The following HDGFL1 variants were observed in gnomAD, a reference collection of about 807,000 sequenced individuals.
The protein encoded by HDGFL1 is HDGF like 1, also known as hepatoma-derived growth factor-like protein 1.
For synonymous variants in HDGFL1, 190 were observed against 165.1 expected (o/e 1.15, Z -1.16); for missense variants, 422 against 365.3 (o/e 1.16, Z -1.27).
Position 22,570,084 on chromosome 6 carries a change from A to C in HDGFL1, c.509A>C (p.Glu170Ala), listed in dbSNP as rs1561829323. The change falls in exon 1 of 1, where the codon GAG (glutamate) becomes GCG (alanine). Residue 170 changes from glutamate to alanine, a missense_variant. Coordinates refer to ENST00000510882, the MANE Select transcript of HDGFL1 (RefSeq NM_138574.4). ...PKEAAPDQEE[E>A]AEAERAAEAE... The stretch of plus-strand genomic sequence containing the variant: ...GAGGCAGCCCCCGACCAAGAGGAGG[A>C]GGCGGAGGCGGAGAGGGCGGCGGAA... 1.3e-6 allele frequency: 2 copies of C among 1,536,830 alleles called. No homozygotes were observed. The highest frequency in any genetic ancestry group is 2.4e-5 in the East Asian group (1 of 41,222).
chr6:22,570,544 GC>G lies in HDGFL1; in HGVS notation c.*215del, dbSNP rs941551412. ...CCACGCCTCTGTGATCTGAGTCAGG[GC>G]CTCAGTTCCCTCCCTGGGATAAAGT... On this transcript the variant is annotated 3_prime_UTR_variant, in exon 1 of 1. Coordinates refer to ENST00000510882, the MANE Select transcript of HDGFL1 (RefSeq NM_138574.4). 15 of 429,362 alleles carry G rather than the reference GC, an allele frequency of 3.5e-5. No homozygotes were observed. The highest frequency in any genetic ancestry group is 2.7e-4 in the African/African-American group (13 of 48,710). 26.6% of individuals were successfully genotyped at this position (429,362 alleles called of 1,614,324 possible).
chr6:22,569,620 G>C lies in HDGFL1; in HGVS notation c.45G>C (p.Val15=). ...GMPMYKSGDL[V]FAKLKGYAHW... ...CCATGTACAAGAGCGGGGACCTGGT[G>C]TTTGCCAAGTTAAAGGGCTATGCCC... is the stretch of plus-strand genomic sequence containing the variant. Residue 15 remains valine (V), a synonymous_variant, in exon 1 of 1, where the codon GTG becomes GTC. Transcript: ENST00000510882. The C allele has an allele frequency of 6.2e-7, 1 of 1,614,192 alleles. No individual in the cohort carries two copies. The highest frequency in any genetic ancestry group is 8.5e-7 in the Non-Finnish European group (1 of 1,180,034).
Position 22,570,287 on chromosome 6 carries a change from T to A in HDGFL1, c.712T>A (p.Trp238Arg). 2 of 1,509,338 alleles carry A rather than the reference T, an allele frequency of 1.3e-6. No homozygotes were observed. Among genetic ancestry groups the A allele is most frequent in the Non-Finnish European group, 1.8e-6 (2 of 1,135,782 alleles). The allele number at this position is 1,509,338 out of a possible 1,614,324, so 93.5% of individuals were successfully genotyped here. ...EVADEEASQE[W>R]HAEAPGGGDR... ...CGCGGACGAGGAGGCCTCCCAGGAGTGGCATGCCGAGGCACCGGGCGGCGG... is the reference window on the plus strand; with the variant it reads ...CGCGGACGAGGAGGCCTCCCAGGAGAGGCATGCCGAGGCACCGGGCGGCGG... The change falls in exon 1 of 1, where the codon TGG becomes AGG. Residue 238 changes from tryptophan (W) to arginine (R), a missense_variant. Trp to Arg is a moderately radical substitution (Grantham distance 101, BLOSUM62 -3). Transcript: ENST00000510882.
chr6:22,569,886 G>A lies in HDGFL1; in HGVS notation c.311G>A (p.Gly104Glu). The A allele has an allele frequency of 6.4e-7, 1 of 1,572,780 alleles. No homozygotes were observed. Among genetic ancestry groups the A allele is most frequent in the South Asian group, 1.2e-5 (1 of 86,400 alleles). Residue 104 changes from glycine (G) to glutamate (E), a missense_variant, in exon 1 of 1, where the codon GGG (glycine) becomes GAG (glutamate). Coordinates refer to ENST00000510882, the MANE Select transcript of HDGFL1 (RefSeq NM_138574.4). ...PLASEKGSGDGPWPEPEAAEG... is the reference protein window; with the variant it reads ...PLASEKGSGDEPWPEPEAAEG... ...GCCTCAGAGAAGGGCAGCGGAGACG[G>A]GCCTTGGCCGGAGCCCGAGGCCGCA...
At position 22,569,838 on chromosome 6, in the gene HDGFL1, T is replaced by G. The variant is rs748567682; in HGVS notation, c.263T>G (p.Val88Gly). 1 of 1,607,990 alleles carries G rather than the reference T, an allele frequency of 6.2e-7. No individual in the cohort carries two copies. The highest frequency in any genetic ancestry group is 1.7e-5 in the Admixed American group (1 of 59,164). ...TGGGAAATCGAGAACAACCCCACGG[T>G]CCAGGCCTCCGACTGCCCATTAGCC... ...GLWEIENNPTVQASDCPLASE... is the reference protein window; with the variant it reads ...GLWEIENNPTGQASDCPLASE... The change falls in exon 1 of 1, where the codon GTC becomes GGC. Residue 88 changes from valine to glycine, a missense_variant. Coordinates refer to ENST00000510882, the MANE Select transcript of HDGFL1 (RefSeq NM_138574.4).
In HDGFL1 at chr6:22,570,902, G is replaced by C. The variant is rs1343758137; in HGVS notation, c.*571G>C. The stretch of plus-strand genomic sequence containing the variant: ...CTGTCCATGCCTGCCATACCTGCCA[G>C]CTTCAGACATTTAGGGAAAAGGGGC... On this transcript the variant is annotated 3_prime_UTR_variant, in exon 1 of 1. Transcript: ENST00000510882. 3 of 167,390 alleles carry C rather than the reference G, an allele frequency of 1.8e-5. No homozygotes were observed. The East Asian group carries it at 5.8e-4, about 32-fold the overall frequency. 10.4% of individuals were successfully genotyped at this position (167,390 alleles called of 1,614,324 possible). A position where few individuals can be genotyped will look rare whatever the true frequency, so the allele number is the denominator to read the frequency against.
Position 22,571,659 on chromosome 6 carries a change from A to C in HDGFL1, c.*1328A>C, listed in dbSNP as rs1194470559. 6.0e-6 allele frequency: 1 copy of C among 166,990 alleles called. No individual in the cohort carries two copies. Among genetic ancestry groups the C allele is most frequent in the Non-Finnish European group, 1.5e-5 (1 of 68,128 alleles). The allele number at this position is 166,990 out of a possible 1,614,324, so 10.3% of individuals were successfully genotyped here. A position where few individuals can be genotyped will look rare whatever the true frequency, so the allele number is the denominator to read the frequency against. On this transcript the variant is annotated 3_prime_UTR_variant, in exon 1 of 1. Coordinates refer to ENST00000510882, the MANE Select transcript of HDGFL1 (RefSeq NM_138574.4). ...TTCTAGGAAATAAAACCAGTTGATTAAAGCAAATTTTCTCCGGCCTGTTCC... is the reference window on the plus strand; with the variant it reads ...TTCTAGGAAATAAAACCAGTTGATTCAAGCAAATTTTCTCCGGCCTGTTCC...
rs900546807 is a variant in HDGFL1, at chr6:22,570,108, A to C, written c.533A>C (p.Glu178Ala). ...EEEAEAERAA[E>A]AERAAAAAAA... The stretch of plus-strand genomic sequence containing the variant: ...GAGGCGGAGGCGGAGAGGGCGGCGG[A>C]AGCGGAGAGGGCGGCGGCGGCGGCG... Residue 178 changes from glutamate to alanine, a missense_variant, in exon 1 of 1, where the codon GAA (glutamate) becomes GCA (alanine). Physicochemically the swap from Glu to Ala is moderately radical, Grantham distance 107 (BLOSUM62 -1). Transcript: ENST00000510882. 1.2e-5 allele frequency: 19 copies of C among 1,534,816 alleles called. No individual in the cohort carries two copies. In the African/African-American group the frequency reaches 1.7e-4, roughly 13 times the overall value.
In HDGFL1 at chr6:22,569,680, C is replaced by T; in HGVS notation, c.105C>T (p.Pro35=). 6.2e-6 allele frequency: 10 copies of T among 1,614,176 alleles called. No homozygotes were observed. The highest frequency in any genetic ancestry group is 8.5e-6 in the Non-Finnish European group (10 of 1,180,032). ...WPARIEHMTQ[P]NRYQVFFFGT... ...CGAGGATAGAGCACATGACCCAGCCCAACCGCTACCAGGTGTTTTTCTTCG... is the reference window on the plus strand; with the variant it reads ...CGAGGATAGAGCACATGACCCAGCCTAACCGCTACCAGGTGTTTTTCTTCG... The change falls in exon 1 of 1, where the codon CCC becomes CCT. Residue 35 remains proline, a synonymous_variant. Coordinates refer to ENST00000510882, the MANE Select transcript of HDGFL1 (RefSeq NM_138574.4).
At position 22,570,125 on chromosome 6, in the gene HDGFL1, GCGGCGGCGGCGGCGA is replaced by G; in HGVS notation, c.555_569del (p.Ala186_Ala190del). The G allele has an allele frequency of 6.5e-7, 1 of 1,532,778 alleles. No individual in the cohort carries two copies. The highest frequency in any genetic ancestry group is 8.8e-7 in the Non-Finnish European group (1 of 1,141,820). The allele number at this position is 1,532,778 out of a possible 1,614,324, so 94.9% of individuals were successfully genotyped here. A position where few individuals can be genotyped will look rare whatever the true frequency, so the allele number is the denominator to read the frequency against. ...GGCGGCGGAAGCGGAGAGGGCGGCG[GCGGCGGCGGCGGCGA>G]CGGCCGTCGACGAGGAGAGTCCGTT... On this transcript the variant is annotated inframe_deletion, in exon 1 of 1. Transcript: ENST00000510882.
Position 22,569,744 on chromosome 6 carries a change from T to C in HDGFL1, c.169T>C (p.Phe57Leu). 1.2e-6 allele frequency: 2 copies of C among 1,614,060 alleles called. No individual in the cohort carries two copies. The highest frequency in any genetic ancestry group is 1.7e-6 in the Non-Finnish European group (2 of 1,180,024). ...GGCCTTCCTGAGTCCCAAACGCCTG[T>C]TCCCGTACAAGGAGTGCAAGGAGAA... Reference protein sequence around the residue: ...ETAFLSPKRLFPYKECKEKFG... With the variant: ...ETAFLSPKRLLPYKECKEKFG... The change falls in exon 1 of 1, where the codon TTC becomes CTC. Residue 57 changes from phenylalanine (F) to leucine (L), a missense_variant. Phe to Leu is a conservative substitution (Grantham distance 22). Transcript: ENST00000510882.
rs1760900194 is a variant in HDGFL1, at chr6:22,570,245, C to A, written c.670C>A (p.Leu224Ile). 6.4e-7 allele frequency: 1 copy of A among 1,557,540 alleles called. No homozygotes were observed. The highest frequency in any genetic ancestry group is 1.2e-5 in the South Asian group (1 of 84,380). Residue 224 changes from leucine to isoleucine, a missense_variant, in exon 1 of 1, where the codon CTC becomes ATC. Physicochemically the swap from Leu to Ile is conservative, Grantham distance 5. Coordinates refer to ENST00000510882, the MANE Select transcript of HDGFL1 (RefSeq NM_138574.4). ...CEPPQPEEEE[L>I]REEEVADEEA... ...GCCGCCTCAGCCAGAGGAGGAGGAG[C>A]TCCGGGAGGAAGAAGTCGCGGACGA...
At position 22,569,806 on chromosome 6, in the gene HDGFL1, G is replaced by T; in HGVS notation, c.231G>T (p.Ala77=). 1 of 1,613,666 alleles carries T rather than the reference G, an allele frequency of 6.2e-7. No individual in the cohort carries two copies. The highest frequency in any genetic ancestry group is 1.6e-4 in the Middle Eastern group (1 of 6,062). The change falls in exon 1 of 1, where the codon GCG becomes GCT. Residue 77 remains alanine, a synonymous_variant. Transcript: ENST00000510882. The part of the protein sequence containing the change: ...GKPNKRRGFS[A]GLWEIENNPT... Reference sequence around the variant, plus strand: ...CCAACAAGAGGCGCGGCTTCAGCGCGGGGCTGTGGGAAATCGAGAACAACC... The same window carrying T: ...CCAACAAGAGGCGCGGCTTCAGCGCTGGGCTGTGGGAAATCGAGAACAACC...
rs1469837521 is a variant in HDGFL1 at position 22,570,103 on chromosome 6, G to C, written c.528G>C (p.Ala176=). The C allele has an allele frequency of 6.5e-7, 1 of 1,536,322 alleles. No individual in the cohort carries two copies. Among genetic ancestry groups the C allele is most frequent in the African/African-American group, 1.4e-5 (1 of 73,060 alleles). ...DQEEEAEAER[A]AEAERAAAAA... ...AGGAGGAGGCGGAGGCGGAGAGGGC[G>C]GCGGAAGCGGAGAGGGCGGCGGCGG... Residue 176 remains alanine, a synonymous_variant, in exon 1 of 1, where the codon GCG becomes GCC. Transcript: ENST00000510882.
rs749268517 is a variant in HDGFL1, at chr6:22,570,091, G to GGCGGAGAGGGCGGCGGAA, written c.533_550dup (p.Glu178_Ala183dup). ...CCCCCGACCAAGAGGAGGAGGCGGAGGCGGAGAGGGCGGCGGAAGCGGAGA... is the reference window on the plus strand; with the variant it reads ...CCCCCGACCAAGAGGAGGAGGCGGAGGCGGAGAGGGCGGCGGAAGCGGAGAGGGCGGCGGAAGCGGAGA... On this transcript the variant is annotated inframe_insertion, in exon 1 of 1. Coordinates refer to ENST00000510882, the MANE Select transcript of HDGFL1 (RefSeq NM_138574.4). 1,655 of 1,536,488 alleles carry GGCGGAGAGGGCGGCGGAA rather than the reference G, an allele frequency of 1.1e-3. 19 individuals are homozygous for GGCGGAGAGGGCGGCGGAA. The African/African-American group carries it at 0.016, about 15-fold the overall frequency.
rs1474379808 is a variant in HDGFL1, at chr6:22,570,366, C to T, written c.*35C>T. ...TTTCCAGAAGAGCCCCTGCCCCGTT[C>T]CTGCTGCGGCCTGGCCGTTCTTGGG... On this transcript the variant is annotated 3_prime_UTR_variant, in exon 1 of 1. Transcript: ENST00000510882. 7.0e-7 allele frequency: 1 copy of T among 1,421,442 alleles called. No individual in the cohort carries two copies. The highest frequency in any genetic ancestry group is 9.2e-7 in the Non-Finnish European group (1 of 1,087,022). The allele number at this position is 1,421,442 out of a possible 1,614,324, so 88.1% of individuals were successfully genotyped here.
chr6:22,569,812 G>C lies in HDGFL1; in HGVS notation c.237G>C (p.Leu79=). ...AGAGGCGCGGCTTCAGCGCGGGGCT[G>C]TGGGAAATCGAGAACAACCCCACGG... ...PNKRRGFSAG[L]WEIENNPTVQ... is the part of the protein sequence containing the mutation. The change falls in exon 1 of 1, where the codon CTG becomes CTC. Residue 79 remains leucine (L), a synonymous_variant. Coordinates refer to ENST00000510882, the MANE Select transcript of HDGFL1 (RefSeq NM_138574.4). The C allele has an allele frequency of 6.2e-7, 1 of 1,613,428 alleles. No homozygotes were observed. Among genetic ancestry groups the C allele is most frequent in the African/African-American group, 1.3e-5 (1 of 75,068 alleles).
Position 22,570,128 on chromosome 6 carries a change from G to T in HDGFL1, c.553G>T (p.Ala185Ser). The change falls in exon 1 of 1, where the codon GCG becomes TCG. Residue 185 changes from alanine to serine, a missense_variant. Coordinates refer to ENST00000510882, the MANE Select transcript of HDGFL1 (RefSeq NM_138574.4). ...GGCGGAAGCGGAGAGGGCGGCGGCG[G>T]CGGCGGCGGCGACGGCCGTCGACGA... ...RAAEAERAAAAAAATAVDEES... is the reference protein window; with the variant it reads ...RAAEAERAAASAAATAVDEES... 2 of 1,535,504 alleles carry T rather than the reference G, an allele frequency of 1.3e-6. No individual in the cohort carries two copies.
rs1229144267 is a variant in HDGFL1 at position 22,570,172 on chromosome 6, G to T, written c.597G>T (p.Val199=). The change falls in exon 1 of 1, where the codon GTG becomes GTT. Residue 199 remains valine, a synonymous_variant. Transcript: ENST00000510882. ...TCGACGAGGAGAGTCCGTTCCTCGT[G>T]GCGGTGGAGAACGGCAGCGCCCCTA... The part of the protein sequence containing the change: ...TAVDEESPFL[V]AVENGSAPSE... 3 of 1,561,318 alleles carry T rather than the reference G, an allele frequency of 1.9e-6. No homozygotes were observed. Among genetic ancestry groups the T allele is most frequent in the Non-Finnish European group, 2.6e-6 (3 of 1,157,096 alleles).
Sources: gnomAD v4.1 joint callset for allele counts on GRCh38, gnomAD v4.1.1 for gene constraint, MANE v1.5 for transcripts, NCBI Gene and HGNC (gene_info 2026-07-23, HGNC 2026-07-21) for gene names.